The following NPAT variants were observed in gnomAD, a reference collection of about 807,000 sequenced individuals.
NPAT encodes protein NPAT.
NPAT carries 52 observed loss-of-function variants against 130.7 expected under a neutral mutation model. The ratio of observed to expected loss-of-function variants is 0.40; its 90% CI spans 0.32 to 0.50. The LOEUF (loss-of-function observed/expected upper bound fraction) is 0.50, where lower values mean the gene tolerates loss of function less well. Among genes scored for constraint, NPAT ranks in the 20% least tolerant of loss-of-function variants. The pLI, the probability that NPAT is intolerant of heterozygous loss-of-function variation, is 0.68. For missense variants in NPAT, 1,687 were observed against 1,662.6 expected, an observed-to-expected ratio of 1.01 and a Z score of -0.26; for synonymous variants, 580 against 584.8, an observed-to-expected ratio of 0.99 and a Z score of 0.12.
At chr11:108,167,152 T>C (rs774988779) in intron 15 of NPAT, among the ~76,000 whole-genome samples, 2 of 152,236 alleles carry the variant, frequency 1.3e-5, no homozygotes, top group African/African-American at 2.4e-5. Context: ...TGTGGCTTTA[T>C]TGTGTAAAAA....
At chr11:108,219,606 A>C (rs1042508589) in intron 1 of NPAT, among the ~76,000 whole-genome samples, 1 of 152,222 alleles carries the variant, frequency 6.6e-6, no homozygotes, top group Non-Finnish European at 1.5e-5. Context: ...GACTAAGACT[A>C]CTAATAAAAC....
intron 15 of NPAT, among the ~76,000 whole-genome samples, chr11:108,162,966 C>G (rs2077866811): frequency 6.6e-6 from 1 of 152,088 alleles, no homozygotes; most frequent in Admixed American, 6.5e-5. Flanking sequence ...TGTGGGAGAG[C>G]AGCAAGATAT....
intron 1 of NPAT, among the ~76,000 whole-genome samples, chr11:108,213,200 G>A (rs1446381943): frequency 6.6e-6 from 1 of 151,986 alleles, no homozygotes; most frequent in Non-Finnish European, 1.5e-5. Flanking sequence ...TTGAACCCGG[G>A]AGGCAGAGGT....
intron 2 of NPAT, among the ~76,000 whole-genome samples, chr11:108,195,828 T>C (rs2078214204): frequency 6.6e-6 from 1 of 152,236 alleles, no homozygotes; most frequent in African/African-American, 2.4e-5. Context: ...GGTCTCACTA[T>C]GTTGCCCAGG....
chr11:108,172,536 T>C lies in NPAT; in HGVS notation c.2448A>G (p.Thr816=), dbSNP rs1280515125. The C allele has an allele frequency of 6.2e-7, 1 of 1,614,224 alleles. No homozygotes were observed. The highest frequency in any genetic ancestry group is 1.1e-5 in the South Asian group (1 of 91,084). The change falls in exon 13 of 18, where the codon ACA becomes ACG. Residue 816 remains threonine (T), a synonymous_variant. Coordinates refer to ENST00000278612, the MANE Select transcript of NPAT (RefSeq NM_002519.3). ...TTACTGCAGAGTCTTCAGATTTGAA[T>C]GTTAAAAGACTCTGTTCCATTGAGG... The part of the protein sequence containing the change: ...DSASMEQSLL[T]FKSEDSAVNN...
intron 1 of NPAT, 58 bp downstream of exon 1, chr11:108,222,442 G>T: frequency 6.3e-7 from 1 of 1,591,876 alleles, no homozygotes; most frequent in Admixed American, 1.7e-5. Context: ...TGGCCTCAAA[G>T]GTCCTTCTGT....
chr11:108,174,351 G>C (rs2077984032), intron 12 of NPAT, among the ~76,000 whole-genome samples: 1 of 152,034 alleles, frequency 6.6e-6, no homozygotes, highest in African/African-American at 2.4e-5. Context: ...ATTGTGTACT[G>C]TTTAACATTA....
At position 108,189,167 on chromosome 11, in the gene NPAT, T is replaced by C. The variant is rs763610138; in HGVS notation, c.495A>G (p.Ser165=). Residue 165 remains serine, a synonymous_variant, in exon 6 of 18, where the codon TCA becomes TCG. Transcript: ENST00000278612. ...TQVTRPSGQI[S]DPSRSYFVVV... ...CTACAAAATATGACCTCGATGGATC[T>C]GAAATTTGGCCACTTGGTCGAGTAA... 3.7e-6 allele frequency: 6 copies of C among 1,614,202 alleles called. No homozygotes were observed. The East Asian group carries it at 1.3e-4, about 36-fold the overall frequency.
intron 10 of NPAT, 49 bp downstream of exon 10, chr11:108,185,183 T>G (rs1379150093): frequency 8.1e-7 from 1 of 1,233,200 alleles, no homozygotes; most frequent in African/African-American, 1.5e-5. Context: ...CCATCAATCT[T>G]AAGTATAAGT....
At chr11:108,218,176 A>AT (rs551113811) in intron 1 of NPAT, among the ~76,000 whole-genome samples, 55 of 152,308 alleles carry the variant, frequency 3.6e-4, no homozygotes, top group African/African-American at 1.3e-3. Context: ...AGGTCCCCGA[A>AT]TAGGTAAGAA....
At chr11:108,208,911 A>C (rs1371785996) in intron 1 of NPAT, among the ~76,000 whole-genome samples, 1 of 152,264 alleles carries the variant, frequency 6.6e-6, no homozygotes, top group African/African-American at 2.4e-5. Context: ...AGGACATGAA[A>C]TAAGTGTCAA....
At chr11:108,180,600 G>A (rs1460727612) in intron 10 of NPAT, among the ~76,000 whole-genome samples, 1 of 151,446 alleles carries the variant, frequency 6.6e-6, no homozygotes, top group East Asian at 1.9e-4. Context: ...TACACTGTTG[G>A]TGGGAATGTA....
intron 1 of NPAT, among the ~76,000 whole-genome samples, chr11:108,215,552 G>A (rs773996825): frequency 5.9e-5 from 9 of 152,252 alleles, no homozygotes; most frequent in Non-Finnish European, 1.0e-4. Flanking sequence ...TATGTCTAAC[G>A]TCTCTTCCAA....
rs894348155 is a variant in NPAT, at chr11:108,202,938, T to C, written c.38-5518A>G. On this transcript the variant is annotated intron_variant, in intron 1 of 17. Coordinates refer to ENST00000278612, the MANE Select transcript of NPAT (RefSeq NM_002519.3). ...TTCCTAAACACCTCCAGAGTGATAA[T>C]GGGCCTTACTTCAAGGAGGCTGTCA... Among the ~76,000 whole-genome samples, 3 of 152,114 alleles carry C rather than the reference T, an allele frequency of 2.0e-5. No homozygotes were observed. In the East Asian group the frequency reaches 5.8e-4, roughly 29 times the overall value.
At chr11:108,163,944 A>C (rs2077876815) in intron 15 of NPAT, among the ~76,000 whole-genome samples, 1 of 152,250 alleles carries the variant, frequency 6.6e-6, no homozygotes, top group East Asian at 1.9e-4. Flanking sequence ...GTTTATAGCC[A>C]GGGAGAGAAG....
At chr11:108,168,402 T>C (rs1028552375) in intron 15 of NPAT, among the ~76,000 whole-genome samples, 2 of 152,106 alleles carry the variant, frequency 1.3e-5, no homozygotes, top group South Asian at 2.1e-4. Context: ...AAAAATAATA[T>C]AGAGTAGCTA....
At chr11:108,196,576 C>G (rs534904979) in intron 2 of NPAT, among the ~76,000 whole-genome samples, 2 of 152,272 alleles carry the variant, frequency 1.3e-5, no homozygotes, top group East Asian at 3.9e-4. Context: ...CAATACAATT[C>G]TCCTTTTATT....
chr11:108,191,794 A>T (rs1293361262), intron 4 of NPAT, among the ~76,000 whole-genome samples: 1 of 152,068 alleles, frequency 6.6e-6, no homozygotes, highest in African/African-American at 2.4e-5. Flanking sequence ...AATATGTAAT[A>T]AAGAGACAGT....
Position 108,170,020 on chromosome 11 carries a change from G to T in NPAT, c.2809C>A (p.Pro937Thr). The T allele has an allele frequency of 6.2e-7, 1 of 1,612,542 alleles. No individual in the cohort carries two copies. Among genetic ancestry groups the T allele is most frequent in the Non-Finnish European group, 8.5e-7 (1 of 1,178,676 alleles). ...ATTCCTTGGAGTACAGGCTGGACTGGAGAGGCAATTATTATGGCAGATCCT... is the reference window on the plus strand; with the variant it reads ...ATTCCTTGGAGTACAGGCTGGACTGTAGAGGCAATTATTATGGCAGATCCT... Reference protein sequence around the residue: ...SQGSAIIIASPVQPVLQGMVG... With the variant: ...SQGSAIIIASTVQPVLQGMVG... The change falls in exon 14 of 18, where the codon CCA becomes ACA. Residue 937 changes from proline (P) to threonine (T), a missense_variant. By Grantham distance (38) the Pro-to-Thr change is conservative (BLOSUM62 -1). This residue lies in a region of NPAT where 1,379 missense variants were observed against 1,346.6 expected (regional missense o/e 1.02). Transcript: ENST00000278612.
Sources: allele counts gnomAD v4.1 joint callset (sites outside exome capture counted in the v4.1 genomes callset), GRCh38; gene constraint gnomAD v4.1.1; regional missense constraint gnomAD v4.1.1; transcripts MANE v1.5; gene names NCBI Gene and HGNC (gene_info 2026-07-23, HGNC 2026-07-21).